ARAP2: variants seen among roughly 807,000 people sequenced by gnomAD.
ARAP2 encodes the protein ArfGAP with RhoGAP domain, ankyrin repeat and PH domain 2.
A neutral mutation model predicts 194.5 loss-of-function variants in ARAP2; 148 were observed. The observed-to-expected ratio is 0.76, with a 90% CI of 0.67 to 0.87. ARAP2 has a LOEUF of 0.87. Ranked by LOEUF, ARAP2 falls within the 40% of genes least tolerant of loss-of-function variation. The pLI, the probability that ARAP2 is intolerant of heterozygous loss-of-function variation, is 0.00. For synonymous variants in ARAP2, 695 were observed against 683.5 expected (o/e 1.02, Z -0.26); for missense variants, 2,128 against 1,989.7 (o/e 1.07, Z -1.32).
Position 36,183,779 on chromosome 4 carries a change from C to T in ARAP2, c.1678+3672G>A, listed in dbSNP as rs114880468. Among the ~76,000 whole-genome samples the T allele has an allele frequency of 4.3e-3, 655 of 152,168 alleles. 4 individuals are homozygous for T. Among genetic ancestry groups the T allele is most frequent in the African/African-American group, 0.015 (612 of 41,530 alleles). ...AACAATGTTTCATTAGGAAATTAGCCGGGGAGGGATAGGAGCCTTAGAAAA... is the reference window on the plus strand; with the variant it reads ...AACAATGTTTCATTAGGAAATTAGCTGGGGAGGGATAGGAGCCTTAGAAAA... On this transcript the variant is annotated intron_variant, in intron 8 of 32. Coordinates refer to ENST00000303965, the MANE Select transcript of ARAP2 (RefSeq NM_015230.4).
At chr4:36,018,372 C>T (rs1303030097) in intron 6 of ARAP2, among the ~76,000 whole-genome samples, 1 of 151,324 alleles carries the variant, frequency 6.6e-6, no homozygotes, top group Non-Finnish European at 1.5e-5. Flanking sequence ...TGGCTCTGCA[C>T]TTGACCAACA....
chr4:36,223,798 T>C (rs1227790277), intron 2 of ARAP2, among the ~76,000 whole-genome samples: 1 of 151,996 alleles, frequency 6.6e-6, no homozygotes, highest in Non-Finnish European at 1.5e-5. Flanking sequence ...TGATAGCCAG[T>C]AGAGAGCCGT....
At chr4:36,036,493 C>T (rs1040630677) in intron 5 of ARAP2, among the ~76,000 whole-genome samples, 3 of 151,860 alleles carry the variant, frequency 2.0e-5, no homozygotes, top group African/African-American at 7.3e-5. Context: ...AAGAAATATT[C>T]TTAGTCAATG....
intron 28 of ARAP2, among the ~76,000 whole-genome samples, chr4:36,090,222 C>T (rs13128571): frequency 0.076 from 11,517 of 151,978 alleles, 590 homozygotes; most frequent in Middle Eastern, 0.19. Flanking sequence ...ACTGAATCCC[C>T]GAACAGACCA....
intron 19 of ARAP2, among the ~76,000 whole-genome samples, chr4:36,141,849 CA>C (rs1321653835): frequency 6.6e-6 from 1 of 151,546 alleles, no homozygotes; most frequent in Non-Finnish European, 1.5e-5. Context: ...GTGTTACTTC[CA>C]AAAGCCACAA....
chr4:36,177,593 T>G (rs995714725), intron 9 of ARAP2, among the ~76,000 whole-genome samples: 3 of 152,188 alleles, frequency 2.0e-5, no homozygotes, highest in African/African-American at 7.2e-5. Context: ...ATAATTTTAC[T>G]TCCTCAATAC....
chr4:36,046,580 C>A (rs762310163), intron 4 of ARAP2: 5 of 152,052 alleles, frequency 3.3e-5, no homozygotes, highest in Non-Finnish European at 7.4e-5. Flanking sequence ...CTAATGCAGA[C>A]CACAGAAAGA....
chr4:36,194,708 T>C (rs1578232360), intron 6 of ARAP2, among the ~76,000 whole-genome samples: 1 of 152,326 alleles, frequency 6.6e-6, no homozygotes, highest in South Asian at 2.1e-4. Context: ...CTGCATAAGA[T>C]AAAATTATAC....
chr4:36,065,419 C>A (rs558539779), downstream of ARAP2: 28 of 496,372 alleles, frequency 5.6e-5, no homozygotes, highest in African/African-American at 5.3e-4. Flanking sequence ...GGGAAAAGAG[C>A]TCTGCATGCC....
intron 2 of ARAP2, among the ~76,000 whole-genome samples, chr4:36,218,463 T>G (rs576800993): frequency 1.9e-4 from 29 of 151,980 alleles, no homozygotes; most frequent in African/African-American, 6.8e-4. Context: ...GAGATCCAAT[T>G]GCATTTAAGC....
chr4:36,188,229 C>T (rs1298677734), intron 7 of ARAP2, among the ~76,000 whole-genome samples: 1 of 152,106 alleles, frequency 6.6e-6, no homozygotes, highest in African/African-American at 2.4e-5. Flanking sequence ...TTCCTGGACC[C>T]TCTCAAATCA....
downstream of ARAP2, chr4:36,065,722 T>A (rs1725295327): frequency 6.3e-6 from 1 of 158,652 alleles, no homozygotes; most frequent in African/African-American, 2.4e-5. Flanking sequence ...CTGGCAGAGA[T>A]GCCTATAAAC....
chr4:36,179,364 A>G (rs1419816023), intron 8 of ARAP2, among the ~76,000 whole-genome samples: 1 of 152,214 alleles, frequency 6.6e-6, no homozygotes, highest in East Asian at 1.9e-4. Flanking sequence ...GTAACGTGGC[A>G]TCAGAAATTG....
intron 19 of ARAP2, among the ~76,000 whole-genome samples, chr4:36,137,456 A>C (rs1727119114): frequency 6.6e-6 from 1 of 151,750 alleles, no homozygotes; most frequent in Non-Finnish European, 1.5e-5. Flanking sequence ...TGTGTAGAAA[A>C]CTCATGGACA....
chr4:36,173,970 A>G (rs1302189078), intron 9 of ARAP2, among the ~76,000 whole-genome samples: 1 of 152,228 alleles, frequency 6.6e-6, no homozygotes, highest in African/African-American at 2.4e-5. Flanking sequence ...AATCATCATC[A>G]TCATCAGAAA....
intron 25 of ARAP2, 115 bp downstream of exon 25, chr4:36,116,946 C>T: frequency 1.8e-6 from 1 of 550,550 alleles, no homozygotes; most frequent in Non-Finnish European, 2.9e-6. Context: ...TGTTGTCAGT[C>T]GTTTGAACTG....
intron 1 of ARAP2, among the ~76,000 whole-genome samples, chr4:36,235,708 TA>T (rs1223267986): frequency 3.3e-5 from 5 of 152,340 alleles, no homozygotes; most frequent in African/African-American, 1.2e-4. Flanking sequence ...CACATTGTTT[TA>T]AAATGTTGTC....
chr4:36,212,446 T>G lies in ARAP2; in HGVS notation c.1083A>C (p.Ala361=), dbSNP rs1746961153. 6.2e-7 allele frequency: 1 copy of G among 1,612,356 alleles called. No individual in the cohort carries two copies. The highest frequency in any genetic ancestry group is 1.3e-5 in the African/African-American group (1 of 74,876). ...IKNEFLTQGE[A]LKGEAATATN... ...TTGCAGTAGCTGCTTCCCCTTTGAG[T>G]GCTTCTCCCTGGGTCAAAAATTCAT... Residue 361 remains alanine (A), a synonymous_variant, in exon 5 of 33, where the codon GCA becomes GCC. Transcript: ENST00000303965.
At chr4:36,121,923 C>G (rs61798148) in intron 22 of ARAP2, among the ~76,000 whole-genome samples, 47,161 of 151,462 alleles carry the variant, frequency 0.31, 8,356 homozygotes, top group East Asian at 0.47. Flanking sequence ...ACTAAGAATG[C>G]CTTTTTATAA....
Sources: gnomAD v4.1 joint callset for allele counts (sites outside exome capture counted in the v4.1 genomes callset) on GRCh38, gnomAD v4.1.1 for gene constraint, MANE v1.5 for transcripts, NCBI Gene and HGNC (gene_info 2026-07-23, HGNC 2026-07-21) for gene names.